The following ZMYM2 variants were observed in gnomAD, a reference collection of about 807,000 sequenced individuals.
ZMYM2 encodes the protein zinc finger MYM-type protein 2.
A neutral mutation model predicts 162.8 loss-of-function variants in ZMYM2; 56 were observed. That is an observed-to-expected ratio of 0.34 (90% CI 0.28 to 0.43). The LOEUF is 0.43. Among genes scored for constraint, ZMYM2 ranks in the 20% least tolerant of loss-of-function variants. The pLI is 1.00. For synonymous variants in ZMYM2, 510 were observed against 541.6 expected, an observed-to-expected ratio of 0.94 and a Z score of 0.81; for missense variants, 1,275 against 1,621.8, an observed-to-expected ratio of 0.79 and a Z score of 3.67.
At chr13:19,907,297 A>G in the ZMYM2 span, among the ~76,000 whole-genome samples, 2 of 152,200 alleles carry the variant, frequency 1.3e-5, no homozygotes, top group Non-Finnish European at 2.9e-5. Context: ...TTATCCGGAC[A>G]ATAAAAGAAA....
chr13:20,028,867 C>T (rs566517103), intron 9 of ZMYM2, among the ~76,000 whole-genome samples: 40 of 150,684 alleles, frequency 2.7e-4, no homozygotes, highest in African/African-American at 9.0e-4. Flanking sequence ...TATGTAGGAC[C>T]GACTGTACTT....
At chr13:19,885,884 T>TATGTGTATACACAC in the ZMYM2 span, among the ~76,000 whole-genome samples, 2 of 41,362 alleles carry the variant, frequency 4.8e-5, 1 homozygote, top group East Asian at 1.8e-3. Flanking sequence ...TATATACACA[T>TATGTGTATACACAC]ATATATGTGT....
chr13:19,884,366 T>C, the ZMYM2 span, among the ~76,000 whole-genome samples: 1 of 151,884 alleles, frequency 6.6e-6, no homozygotes, highest in African/African-American at 2.4e-5. Context: ...ACGACGTCAG[T>C]AGATCGAGAC....
intron 12 of ZMYM2, among the ~76,000 whole-genome samples, chr13:20,037,213 AT>A (rs754909177): frequency 0.073 from 6,636 of 90,434 alleles, 62 homozygotes; most frequent in African/African-American, 0.13. Flanking sequence ...ACTAAGTAGA[AT>A]TTTTTTTTTT....
chr13:19,969,420 T>C (rs1270556331), intron 2 of ZMYM2, among the ~76,000 whole-genome samples: 5 of 152,334 alleles, frequency 3.3e-5, no homozygotes, highest in African/African-American at 1.2e-4. Context: ...ATTTACTTGA[T>C]TGTACAGAGT....
At chr13:19,869,016 G>A in the ZMYM2 span, among the ~76,000 whole-genome samples, 3 of 152,156 alleles carry the variant, frequency 2.0e-5, no homozygotes, top group Non-Finnish European at 4.4e-5. Context: ...CTCCCTAAGT[G>A]CTGGGATTAC....
At chr13:19,902,851 A>G in the ZMYM2 span, among the ~76,000 whole-genome samples, 159 of 152,072 alleles carry the variant, frequency 1.0e-3, 3 homozygotes, top group African/African-American at 3.4e-3. Flanking sequence ...TCGTCTCTAC[A>G]GAAAATAAAA....
At chr13:19,976,864 G>A (rs749396777) in intron 2 of ZMYM2, among the ~76,000 whole-genome samples, 2 of 152,096 alleles carry the variant, frequency 1.3e-5, no homozygotes, top group Non-Finnish European at 2.9e-5. Context: ...TTTTGGAAGG[G>A]TATAATGAAG....
chr13:20,030,544 A>G (rs542596241), intron 9 of ZMYM2, among the ~76,000 whole-genome samples: 21 of 152,092 alleles, frequency 1.4e-4, no homozygotes, highest in South Asian at 8.3e-4. Flanking sequence ...TACTACAGGC[A>G]CCTGCCACCA....
chr13:19,972,536 C>G (rs73170933), intron 2 of ZMYM2, among the ~76,000 whole-genome samples: 1,541 of 152,036 alleles, frequency 0.01, 14 homozygotes, highest in Middle Eastern at 0.041. Context: ...TCCATTTTAA[C>G]TGTCGTGAAG....
At chr13:20,009,006 G>GA (rs1399403678) in intron 6 of ZMYM2, among the ~76,000 whole-genome samples, 1 of 151,906 alleles carries the variant, frequency 6.6e-6, no homozygotes, top group Non-Finnish European at 1.5e-5. Context: ...AAAAACCAGG[G>GA]AAAAAATACC....
At chr13:20,070,429 C>A in intron 21 of ZMYM2, 1 of 164,450 alleles carries the variant, frequency 6.1e-6, no homozygotes. Context: ...AATTCAGAGT[C>A]TTTTGCCAAC....
At chr13:20,057,677 T>A (rs1002043215) in intron 14 of ZMYM2, among the ~76,000 whole-genome samples, 3 of 152,214 alleles carry the variant, frequency 2.0e-5, no homozygotes, top group African/African-American at 7.2e-5. Context: ...TATTCTCTAA[T>A]GAAATATTGT....
At chr13:19,976,817 T>C (rs1005444001) in intron 2 of ZMYM2, among the ~76,000 whole-genome samples, 3 of 152,230 alleles carry the variant, frequency 2.0e-5, no homozygotes, top group African/African-American at 7.2e-5. Flanking sequence ...GCCCCTTCCA[T>C]TTCCTTACTG....
chr13:19,915,730 C>T, the ZMYM2 span, among the ~76,000 whole-genome samples: 1 of 151,966 alleles, frequency 6.6e-6, no homozygotes, highest in Admixed American at 6.6e-5. Flanking sequence ...TTTCGAACTC[C>T]TGACCTTAAG....
the ZMYM2 span, among the ~76,000 whole-genome samples, chr13:19,926,296 C>T: frequency 2.7e-5 from 4 of 149,908 alleles, no homozygotes; most frequent in East Asian, 4.0e-4. Context: ...TTCTCCAATT[C>T]GCTTCAAACA....
At chr13:20,020,234 CTT>C (rs71198951) in intron 7 of ZMYM2, among the ~76,000 whole-genome samples, 17 of 137,156 alleles carry the variant, frequency 1.2e-4, no homozygotes, top group Admixed American at 3.0e-4. Flanking sequence ...TATTCCTCTT[CTT>C]TTTTTTTTTT....
intron 6 of ZMYM2, among the ~76,000 whole-genome samples, chr13:20,006,853 C>T (rs755345977): frequency 3.9e-5 from 6 of 152,052 alleles, no homozygotes; most frequent in Non-Finnish European, 7.4e-5. Flanking sequence ...TGGGTAAACC[C>T]GTTGTAAGTT....
At chr13:20,067,498 T>C (rs1435112309) in intron 21 of ZMYM2, 108 bp downstream of exon 21, 1 of 1,162,770 alleles carries the variant, frequency 8.6e-7, no homozygotes, top group Non-Finnish European at 1.2e-6. Flanking sequence ...AAGAAACACA[T>C]CTACAAAGTT....
Sources: gnomAD v4.1 joint callset for allele counts (sites outside exome capture counted in the v4.1 genomes callset) on GRCh38, gnomAD v4.1.1 for gene constraint, MANE v1.5 for transcripts, NCBI Gene and HGNC (gene_info 2026-07-23, HGNC 2026-07-21) for gene names.